Variants in R3HDM2 observed in about 807,000 individuals in gnomAD.
R3HDM2 encodes the protein R3H domain-containing protein 2.
A neutral mutation model predicts 124.5 loss-of-function variants in R3HDM2; 38 were observed. The observed-to-expected ratio is 0.31, with a 90% confidence interval of 0.24 to 0.40. The LOEUF (loss-of-function observed/expected upper bound fraction) is 0.40. Ranked by LOEUF, R3HDM2 falls within the 10% of genes least tolerant of loss-of-function variation. The pLI is 1.00. For missense variants in R3HDM2, 869 were observed against 1,236.9 expected (o/e 0.70, Z 4.46); for synonymous variants, 391 against 448.0 (o/e 0.87, Z 1.61).
In R3HDM2 at chr12:57,254,879, G is replaced by A. The variant is rs2038426758; in HGVS notation, c.2867C>T (p.Ala956Val). 2 of 1,614,002 alleles carry A rather than the reference G, an allele frequency of 1.2e-6. No individual in the cohort carries two copies. Among genetic ancestry groups the A allele is most frequent in the Non-Finnish European group, 1.7e-6 (2 of 1,180,010 alleles). ...IVAVFPSPLA[A>V]QNASLRLNNS... is the part of the protein sequence containing the mutation. ...GTTGAGACGAAGGGAGGCATTTTGG[G>A]CAGCCAGGGGGCTGGGGAACACAGC... is the stretch of plus-strand genomic sequence containing the variant. Residue 956 changes from alanine to valine, a missense_variant, in exon 24 of 24, where the codon GCC becomes GTC. Coordinates refer to ENST00000402412, the MANE Select transcript of R3HDM2 (RefSeq NM_001394031.1).
chr12:57,345,989 A>G lies in R3HDM2; in HGVS notation c.-35-35526T>C, dbSNP rs138265487. On this transcript the variant is annotated intron_variant, in intron 2 of 23. Coordinates refer to ENST00000402412, the MANE Select transcript of R3HDM2 (RefSeq NM_001394031.1). ...AGGCTGGCCAACACGGTGAAACCCA[A>G]CCTCTACCAAAAATACAAAAATTAG... Among the ~76,000 whole-genome samples the G allele has an allele frequency of 3.0e-3, 462 of 152,012 alleles. 1 individual carries two copies. The highest frequency in any genetic ancestry group is 0.01 in the African/African-American group (415 of 41,460).
chr12:57,316,312 A>G (rs1209760349), intron 2 of R3HDM2, among the ~76,000 whole-genome samples: 1 of 152,094 alleles, frequency 6.6e-6, no homozygotes, highest in Non-Finnish European at 1.5e-5. Flanking sequence ...CTTATCCCCA[A>G]TCCCTGGGAG....
intron 19 of R3HDM2, among the ~76,000 whole-genome samples, chr12:57,265,106 T>C (rs2042002758): frequency 6.6e-6 from 1 of 152,188 alleles, no homozygotes; most frequent in Non-Finnish European, 1.5e-5. Flanking sequence ...AAGAGGGCCC[T>C]TAGCTGTGTA....
intron 1 of R3HDM2, among the ~76,000 whole-genome samples, chr12:57,421,951 C>A (rs929932981): frequency 2.0e-5 from 3 of 152,000 alleles, no homozygotes; most frequent in African/African-American, 4.8e-5. Context: ...CAAAAATTAG[C>A]CGGGTGTGGT....
At chr12:57,263,702 G>A (rs915158543) in intron 19 of R3HDM2, among the ~76,000 whole-genome samples, 12 of 152,076 alleles carry the variant, frequency 7.9e-5, no homozygotes, top group Non-Finnish European at 1.6e-4. Flanking sequence ...CGAACTCCTG[G>A]CCTCAAGTGA....
intron 1 of R3HDM2, among the ~76,000 whole-genome samples, chr12:57,414,669 C>G (rs2069388852): frequency 6.6e-6 from 1 of 151,564 alleles, no homozygotes; most frequent in African/African-American, 2.4e-5. Flanking sequence ...AACCCCATCT[C>G]TACTAAAAAT....
At chr12:57,278,485 C>T (rs901629233) in intron 14 of R3HDM2, among the ~76,000 whole-genome samples, 1 of 151,686 alleles carries the variant, frequency 6.6e-6, no homozygotes, top group East Asian at 1.9e-4. Flanking sequence ...TTAAAATACA[C>T]ATTTTAGGGA....
chr12:57,396,765 G>A (rs531783945), intron 1 of R3HDM2, among the ~76,000 whole-genome samples: 2 of 113,616 alleles, frequency 1.8e-5, no homozygotes, highest in African/African-American at 3.5e-5. Context: ...GTGACAGAGT[G>A]AGACTCTGTC....
chr12:57,332,588 C>T (rs2058352670), intron 2 of R3HDM2, among the ~76,000 whole-genome samples: 1 of 152,110 alleles, frequency 6.6e-6, no homozygotes, highest in Non-Finnish European at 1.5e-5. Context: ...CAGTGTTTCT[C>T]ATTCAAAATA....
chr12:57,303,302 C>G, intron 3 of R3HDM2, 85 bp from the exon 4 acceptor site: 1 of 1,256,718 alleles, frequency 8.0e-7, no homozygotes, highest in Non-Finnish European at 1.1e-6. Context: ...AAAGAAAAAG[C>G]ACTAACTGTA....
chr12:57,337,403 G>A (rs1251120168), intron 2 of R3HDM2, among the ~76,000 whole-genome samples: 1 of 151,882 alleles, frequency 6.6e-6, no homozygotes, highest in Non-Finnish European at 1.5e-5. Flanking sequence ...TGCCTATCTT[G>A]GCCTCCCAAA....
chr12:57,413,922 T>C (rs1180464854), intron 1 of R3HDM2, among the ~76,000 whole-genome samples: 1 of 141,118 alleles, frequency 7.1e-6, no homozygotes, highest in Admixed American at 7.2e-5. Context: ...CTCAGCTCAC[T>C]GCAACCTCCG....
At chr12:57,299,175 T>C (rs2050560468) in intron 6 of R3HDM2, among the ~76,000 whole-genome samples, 177 bp downstream of exon 6, 1 of 152,176 alleles carries the variant, frequency 6.6e-6, no homozygotes. Context: ...TGTGAGCTCC[T>C]AAGGCAGGTT....
chr12:57,400,280 G>A (rs868737235), intron 1 of R3HDM2, among the ~76,000 whole-genome samples: 2 of 152,134 alleles, frequency 1.3e-5, no homozygotes, highest in African/African-American at 4.8e-5. Flanking sequence ...CATGTCCTTT[G>A]TAAGGACATC....
chr12:57,325,914 C>T (rs2057260671), intron 2 of R3HDM2, among the ~76,000 whole-genome samples: 1 of 151,960 alleles, frequency 6.6e-6, no homozygotes, highest in Admixed American at 6.6e-5. Context: ...CTATCGGCAC[C>T]ATTTTTCCAA....
At chr12:57,421,516 G>T (rs1258624205) in intron 1 of R3HDM2, among the ~76,000 whole-genome samples, 1 of 149,580 alleles carries the variant, frequency 6.7e-6, no homozygotes, top group Non-Finnish European at 1.5e-5. Flanking sequence ...TAAGATCAAG[G>T]GTAGTAAAAG....
chr12:57,383,249 G>A (rs572155775), intron 2 of R3HDM2, among the ~76,000 whole-genome samples: 121 of 152,286 alleles, frequency 7.9e-4, no homozygotes, highest in African/African-American at 2.8e-3. Flanking sequence ...GAGCCAAGGA[G>A]GTCAAGGCTG....
At chr12:57,305,262 CA>C (rs1267821654) in intron 3 of R3HDM2, among the ~76,000 whole-genome samples, 3 of 151,844 alleles carry the variant, frequency 2.0e-5, no homozygotes, top group Admixed American at 6.6e-5. Context: ...TCATGAGTAT[CA>C]TTCTATAGAA....
chr12:57,266,509 C>T (rs778415257), intron 19 of R3HDM2, among the ~76,000 whole-genome samples: 7 of 152,214 alleles, frequency 4.6e-5, no homozygotes, highest in Non-Finnish European at 8.8e-5. Flanking sequence ...GTTGGGATTA[C>T]AGGTGTGAGC....
Sources: allele counts gnomAD v4.1 joint callset (sites outside exome capture counted in the v4.1 genomes callset), GRCh38; gene constraint gnomAD v4.1.1; transcripts MANE v1.5; gene names NCBI Gene and HGNC (gene_info 2026-07-23, HGNC 2026-07-21).